PDE11A: variants seen among roughly 807,000 people sequenced by gnomAD.
PDE11A encodes the protein phosphodiesterase 11A.
A neutral mutation model predicts 100.5 loss-of-function variants in PDE11A; 100 were observed. That is an observed-to-expected ratio of 1.00 (90% CI 0.85 to 1.18). The LOEUF is 1.18. Among genes scored for constraint, PDE11A ranks in the 50% most tolerant of loss-of-function variants. The pLI, the probability that PDE11A is intolerant of heterozygous loss-of-function variation, is 0.00. For synonymous variants in PDE11A, 381 were observed against 420.8 expected, an observed-to-expected ratio of 0.91 and a Z score of 1.16; for missense variants, 1,141 against 1,152.6, an observed-to-expected ratio of 0.99 and a Z score of 0.15.
chr2:177,794,755 T>C (rs1300235178), intron 9 of PDE11A, among the ~76,000 whole-genome samples: 1 of 151,738 alleles, frequency 6.6e-6, no homozygotes, highest in Non-Finnish European at 1.5e-5. Flanking sequence ...GTTTGTTAAT[T>C]GGTGTCTGGT....
At chr2:177,984,072 A>T (rs1271956708) in intron 2 of PDE11A, among the ~76,000 whole-genome samples, 1 of 152,222 alleles carries the variant, frequency 6.6e-6, no homozygotes, top group East Asian at 1.9e-4. Context: ...ATCAATCAAT[A>T]CCAAAACGAT....
intron 5 of PDE11A, among the ~76,000 whole-genome samples, chr2:177,861,519 T>C (rs1350278421): frequency 6.6e-6 from 1 of 151,884 alleles, no homozygotes; most frequent in Non-Finnish European, 1.5e-5. Flanking sequence ...ACAGAGTCAA[T>C]GCAATCCCTA....
In PDE11A at chr2:177,785,235, G is replaced by C. The variant is rs1382826298; in HGVS notation, c.1738-15862C>G. ...ATTTCACTGGCCAGAGCAAGTTACA[G>C]CACTCCACCTGATTTCAAGGAAGTG... On this transcript the variant is annotated intron_variant, in intron 9 of 19. Coordinates refer to ENST00000286063, the MANE Select transcript of PDE11A (RefSeq NM_016953.4). 2.0e-5 allele frequency among the ~76,000 whole-genome samples: 3 copies of C among 152,140 alleles called. No homozygotes were observed. In the East Asian group the frequency reaches 5.8e-4, roughly 29 times the overall value.
chr2:177,655,619 G>A (rs776236283), intron 19 of PDE11A, among the ~76,000 whole-genome samples: 26 of 152,034 alleles, frequency 1.7e-4, no homozygotes, highest in Non-Finnish European at 3.1e-4. Context: ...GCTCACTTCA[G>A]CCTCGAACTC....
intron 5 of PDE11A, among the ~76,000 whole-genome samples, chr2:177,862,700 G>A (rs1354627768): frequency 6.6e-6 from 1 of 151,764 alleles, no homozygotes; most frequent in East Asian, 1.9e-4. Flanking sequence ...CAAATAAATG[G>A]AAAGATATCC....
chr2:177,763,132 C>T (rs1234527265), intron 10 of PDE11A, among the ~76,000 whole-genome samples: 1 of 152,130 alleles, frequency 6.6e-6, no homozygotes, highest in Non-Finnish European at 1.5e-5. Context: ...AGCCGCCCGG[C>T]TCGGCTGCTG....
At chr2:177,801,158 T>G (rs1389265837) in intron 9 of PDE11A, among the ~76,000 whole-genome samples, 2 of 152,218 alleles carry the variant, frequency 1.3e-5, no homozygotes, top group African/African-American at 4.8e-5. Context: ...TTAACATAGT[T>G]CAACTGTCAC....
intron 1 of PDE11A, among the ~76,000 whole-genome samples, chr2:178,048,085 T>C (rs961864295): frequency 7.2e-5 from 11 of 152,194 alleles, no homozygotes; most frequent in South Asian, 2.1e-4. Flanking sequence ...CAGAAGTAGA[T>C]AGAGCAGCTG....
chr2:177,634,385 TCTCTC>T (rs1332852661), intron 19 of PDE11A, among the ~76,000 whole-genome samples: 1 of 57,702 alleles, frequency 1.7e-5, no homozygotes, highest in African/African-American at 5.7e-5. Context: ...ACTTTTTCTC[TCTCTC>T]TTTTTTTTTT....
chr2:178,010,899 T>C (rs1187625136), intron 2 of PDE11A, among the ~76,000 whole-genome samples: 4 of 152,216 alleles, frequency 2.6e-5, no homozygotes, highest in African/African-American at 9.6e-5. Flanking sequence ...TAAAGAAATA[T>C]ATTCCCCTTT....
intron 1 of PDE11A, among the ~76,000 whole-genome samples, chr2:178,021,217 C>T (rs185950143): frequency 9.3e-4 from 142 of 152,128 alleles, no homozygotes; most frequent in African/African-American, 3.1e-3. Flanking sequence ...CTGCCTCGGC[C>T]TCCCAAAGTG....
At chr2:178,077,854 C>T (rs2087227353) in intron 2 of PDE11A, among the ~76,000 whole-genome samples, 1 of 151,338 alleles carries the variant, frequency 6.6e-6, no homozygotes, top group Non-Finnish European at 1.5e-5. Context: ...GATGGGTCTA[C>T]AAGCCAAGGA....
intron 1 of PDE11A, among the ~76,000 whole-genome samples, chr2:178,035,281 A>C (rs369133073): frequency 2.6e-5 from 4 of 152,328 alleles, no homozygotes; most frequent in African/African-American, 9.6e-5. Flanking sequence ...ATCTAGAAGA[A>C]ATGACAAATT....
rs1012928196 is a variant in PDE11A, at chr2:177,820,242, C to A, written c.1554G>T (p.Trp518Cys). ...TACCAATTATTTGGTGGTTGCTATT[C>A]CAAATAGGGACACAAAGAACAGATC... ...HIRSVLCVPI[W>C]NSNHQIIGVA... The change falls in exon 7 of 20, where the codon TGG (tryptophan) becomes TGT (cysteine). Residue 518 changes from tryptophan to cysteine, a missense_variant. Transcript: ENST00000286063. The A allele has an allele frequency of 2.5e-6, 4 of 1,581,534 alleles. No individual in the cohort carries two copies. The highest frequency in any genetic ancestry group is 3.5e-6 in the Non-Finnish European group (4 of 1,150,940).
At chr2:177,727,124 G>A (rs2081611395) in intron 12 of PDE11A, among the ~76,000 whole-genome samples, 1 of 152,028 alleles carries the variant, frequency 6.6e-6, no homozygotes, top group Non-Finnish European at 1.5e-5. Flanking sequence ...CCATCACTGG[G>A]TTAAAACCCC....
In PDE11A at chr2:177,914,894, G is replaced by T. The variant is rs564665394; in HGVS notation, c.1072-9707C>A. On this transcript the variant is annotated intron_variant, in intron 2 of 19. Coordinates refer to ENST00000286063, the MANE Select transcript of PDE11A (RefSeq NM_016953.4). ...CTTTTTATAATTCCTGGTTCATAAA[G>T]TACAGGACATTACATAAAGGCAGAA... Among the ~76,000 whole-genome samples the T allele has an allele frequency of 9.2e-5, 14 of 152,164 alleles. No individual in the cohort carries two copies. In the South Asian group the frequency reaches 2.7e-3, roughly 29 times the overall value.
intron 9 of PDE11A, among the ~76,000 whole-genome samples, chr2:177,802,710 G>A (rs1403551007): frequency 1.3e-5 from 2 of 151,828 alleles, no homozygotes; most frequent in Admixed American, 6.6e-5. Context: ...TCCTGGGGAC[G>A]GAGCAAAAGG....
chr2:177,716,764 T>C (rs1478193019), intron 12 of PDE11A, among the ~76,000 whole-genome samples: 1 of 152,226 alleles, frequency 6.6e-6, no homozygotes, highest in Admixed American at 6.5e-5. Context: ...AATTAGCTGA[T>C]GAATCAGAGC....
chr2:177,956,148 G>A (rs992833049), intron 2 of PDE11A, among the ~76,000 whole-genome samples: 6 of 151,972 alleles, frequency 3.9e-5, no homozygotes, highest in East Asian at 1.9e-4. Flanking sequence ...GAAAATTTTC[G>A]CAACCTACTC....
Sources: gnomAD v4.1 joint callset for allele counts (sites outside exome capture counted in the v4.1 genomes callset) on GRCh38, gnomAD v4.1.1 for gene constraint, MANE v1.5 for transcripts, NCBI Gene and HGNC (gene_info 2026-07-23, HGNC 2026-07-21) for gene names.